The following CDH8 variants were observed in gnomAD, a reference collection of about 807,000 sequenced individuals.
CDH8 encodes the protein cadherin 8.
Under a neutral mutation model 68.1 loss-of-function variants are expected in CDH8, and 17 were observed. The observed-to-expected ratio is 0.25, with a 90% CI of 0.17 to 0.37. The LOEUF (loss-of-function observed/expected upper bound fraction) is 0.37. CDH8 is among the 10% of genes least tolerant of loss of function. The pLI is 1.00. For missense variants in CDH8, 763 were observed against 999.3 expected, an observed-to-expected ratio of 0.76 and a Z score of 3.19; for synonymous variants, 372 against 365.1, an observed-to-expected ratio of 1.02 and a Z score of -0.21.
At position 61,647,630 on chromosome 16, in the gene CDH8, C is replaced by A. The variant is rs1416367260; in HGVS notation, c.*5978G>T. Reference sequence around the variant, plus strand: ...TTAACATTTGGCTTTGGGGGGTGATCCCAATGACTCCTAAATTGTCATGGT... The same window carrying A: ...TTAACATTTGGCTTTGGGGGGTGATACCAATGACTCCTAAATTGTCATGGT... On this transcript the variant is annotated 3_prime_UTR_variant, in exon 12 of 12. Coordinates refer to ENST00000577390, the MANE Select transcript of CDH8 (RefSeq NM_001796.5). The A allele has an allele frequency of 3.6e-6, 2 of 555,496 alleles. No individual in the cohort carries two copies. The highest frequency in any genetic ancestry group is 1.9e-5 in the African/African-American group (1 of 51,736). 34.4% of individuals were successfully genotyped at this position (555,496 alleles called of 1,614,324 possible).
chr16:61,744,156 C>A (rs1959954601), intron 8 of CDH8, among the ~76,000 whole-genome samples: 1 of 152,024 alleles, frequency 6.6e-6, no homozygotes, highest in Non-Finnish European at 1.5e-5. Context: ...ATGAAATAAG[C>A]TTATTAATCA....
intron 8 of CDH8, among the ~76,000 whole-genome samples, chr16:61,763,750 AT>A (rs1960522644): frequency 6.6e-6 from 1 of 152,082 alleles, no homozygotes; most frequent in African/African-American, 2.4e-5. Flanking sequence ...GTAGTTTTTA[AT>A]TCTTTTGTTG....
chr16:62,024,871 C>T (rs147105307), intron 1 of CDH8, among the ~76,000 whole-genome samples: 1 of 152,200 alleles, frequency 6.6e-6, no homozygotes, highest in East Asian at 1.9e-4. Flanking sequence ...TGAACAAGAC[C>T]GTTCCTCTCA....
intron 2 of CDH8, among the ~76,000 whole-genome samples, chr16:61,947,731 T>G (rs1964822738): frequency 6.6e-6 from 1 of 152,230 alleles, no homozygotes; most frequent in African/African-American, 2.4e-5. Context: ...TCTAGAGTAT[T>G]ACAAGTTATG....
At chr16:62,001,716 A>G (rs184353376) in intron 2 of CDH8, among the ~76,000 whole-genome samples, 1 of 152,244 alleles carries the variant, frequency 6.6e-6, no homozygotes, top group East Asian at 1.9e-4. Context: ...ACAGGCGCAC[A>G]ACATGCAGGT....
chr16:61,909,952 C>T (rs1036837283), intron 2 of CDH8, among the ~76,000 whole-genome samples: 1 of 152,174 alleles, frequency 6.6e-6, no homozygotes, highest in Non-Finnish European at 1.5e-5. Context: ...TCGGTCTGGA[C>T]CGCAGTTTTA....
rs1402633641 is a variant in CDH8, at chr16:61,704,459, TA to T, written c.1654+9381del. ...AATGTTTTAGAAGCGTATCTTTTAA[TA>T]ATACTATCCAATATTTTAATATGGA... On this transcript the variant is annotated intron_variant, in intron 10 of 11. Transcript: ENST00000577390. Among the ~76,000 whole-genome samples, 5 of 152,222 alleles carry T rather than the reference TA, an allele frequency of 3.3e-5. No homozygotes were observed. In the East Asian group the frequency reaches 7.7e-4, roughly 23 times the overall value.
chr16:62,000,730 A>G (rs1260475446), intron 2 of CDH8, among the ~76,000 whole-genome samples: 1 of 152,184 alleles, frequency 6.6e-6, no homozygotes, highest in Non-Finnish European at 1.5e-5. Context: ...AGTTTTTCTC[A>G]TTTCACTGAG....
At chr16:61,858,413 A>C (rs1396119677) in intron 3 of CDH8, among the ~76,000 whole-genome samples, 1 of 152,238 alleles carries the variant, frequency 6.6e-6, no homozygotes, top group Non-Finnish European at 1.5e-5. Flanking sequence ...AAATTGAAAA[A>C]GTCTGGTGTG....
chr16:61,926,787 A>G (rs1464100763), intron 2 of CDH8, among the ~76,000 whole-genome samples: 1 of 152,172 alleles, frequency 6.6e-6, no homozygotes, highest in African/African-American at 2.4e-5. Flanking sequence ...GGAGACTGGC[A>G]TCTAGGGTGT....
chr16:61,949,475 C>T (rs1312845789), intron 2 of CDH8, among the ~76,000 whole-genome samples: 1 of 152,072 alleles, frequency 6.6e-6, no homozygotes, highest in Non-Finnish European at 1.5e-5. Context: ...CCCTTCCACA[C>T]TGTGGAAGCT....
At chr16:61,920,337 T>G (rs1678163714) in intron 2 of CDH8, among the ~76,000 whole-genome samples, 2 of 139,158 alleles carry the variant, frequency 1.4e-5, no homozygotes, top group Non-Finnish European at 3.1e-5. Context: ...TGGGAGAAAA[T>G]TTTCGCAACC....
Position 61,964,321 on chromosome 16 carries a change from G to A in CDH8, c.252+56831C>T, listed in dbSNP as rs927062793. Among the ~76,000 whole-genome samples, 3 of 152,118 alleles carry A rather than the reference G, an allele frequency of 2.0e-5. No individual in the cohort carries two copies. The East Asian group carries it at 5.8e-4, about 29-fold the overall frequency. ...GGCAGGATTCTAACCTGGCAGTTCA[G>A]GGCACCAGGTGGGAACCGCCCAGGA... On this transcript the variant is annotated intron_variant, in intron 2 of 11. Coordinates refer to ENST00000577390, the MANE Select transcript of CDH8 (RefSeq NM_001796.5).
At chr16:61,692,400 A>C (rs1490497958) in intron 10 of CDH8, 1 of 152,144 alleles carries the variant, frequency 6.6e-6, no homozygotes, top group African/African-American at 2.4e-5. Flanking sequence ...GCTATTTTTT[A>C]AAATTTCCCT....
At chr16:62,024,415 G>A (rs1193545631) in intron 1 of CDH8, among the ~76,000 whole-genome samples, 1 of 152,066 alleles carries the variant, frequency 6.6e-6, no homozygotes, top group Admixed American at 6.6e-5. Flanking sequence ...GTATACTCTG[G>A]CATCTGCTTT....
intron 4 of CDH8, among the ~76,000 whole-genome samples, chr16:61,830,165 T>G (rs530749365): frequency 3.9e-5 from 6 of 151,994 alleles, no homozygotes; most frequent in Non-Finnish European, 8.8e-5. Context: ...AAAAGAAATG[T>G]GTTTGATGAG....
At chr16:61,706,247 A>T (rs1964528697) in intron 10 of CDH8, among the ~76,000 whole-genome samples, 4 of 152,210 alleles carry the variant, frequency 2.6e-5, no homozygotes, top group Admixed American at 2.0e-4. Flanking sequence ...ATTGTGAATG[A>T]TTTAAAATGG....
intron 8 of CDH8, among the ~76,000 whole-genome samples, chr16:61,782,597 G>A (rs893028791): frequency 2.0e-4 from 30 of 151,698 alleles, no homozygotes; most frequent in Non-Finnish European, 3.5e-4. Context: ...ACAGCTCAAG[G>A]AGGCCTGCCT....
At position 61,789,433 on chromosome 16, in the gene CDH8, C is replaced by T. The variant is rs1961325267; in HGVS notation, c.1327G>A (p.Ala443Thr). ...GCCAGCGTTATCTTCCCATCGTCTGCATTAATGTTGAACTGCCTCTCCAGG... is the reference window on the plus strand; with the variant it reads ...GCCAGCGTTATCTTCCCATCGTCTGTATTAATGTTGAACTGCCTCTCCAGG... ...TDLERQFNIN[A>T]DDGKITLATP... Residue 443 changes from alanine (A) to threonine (T), a missense_variant, in exon 8 of 12, where the codon GCA becomes ACA. Physicochemically the swap from Ala to Thr is moderately conservative, Grantham distance 58. Transcript: ENST00000577390. The T allele has an allele frequency of 2.5e-6, 4 of 1,613,000 alleles. No individual in the cohort carries two copies. The highest frequency in any genetic ancestry group is 3.3e-5 in the Admixed American group (2 of 59,872).
Sources: allele counts gnomAD v4.1 joint callset (sites outside exome capture counted in the v4.1 genomes callset), GRCh38; gene constraint gnomAD v4.1.1; transcripts MANE v1.5; gene names NCBI Gene and HGNC (gene_info 2026-07-23, HGNC 2026-07-21).